ZMYM4: variants seen among roughly 807,000 people sequenced by gnomAD.
ZMYM4 encodes zinc finger MYM-type containing 4.
ZMYM4 carries 31 observed loss-of-function variants against 183.2 expected under a neutral mutation model. The observed-to-expected ratio is 0.17, with a 90% CI of 0.13 to 0.23. The LOEUF (loss-of-function observed/expected upper bound fraction) is 0.23. ZMYM4 is among the 10% of genes least tolerant of loss of function. The probability of loss-of-function intolerance (pLI) is 1.00; values close to 1 mark genes in which losing one functional copy is unlikely to be tolerated. For synonymous variants in ZMYM4, 592 were observed against 631.2 expected (o/e 0.94, Z 0.93); for missense variants, 1,273 against 1,840.3 (o/e 0.69, Z 5.64).
chr1:35,333,446 G>A (rs1352288219), intron 2 of ZMYM4, among the ~76,000 whole-genome samples: 1 of 151,922 alleles, frequency 6.6e-6, no homozygotes, highest in Non-Finnish European at 1.5e-5. Context: ...TAATAGAGAC[G>A]GGGTTTCACC....
In ZMYM4 at chr1:35,269,092, G is replaced by T; in HGVS notation, c.39+7G>T. 1 of 1,549,106 alleles carries T rather than the reference G, an allele frequency of 6.5e-7. No homozygotes were observed. The highest frequency in any genetic ancestry group is 2.4e-5 in the East Asian group (1 of 41,064). ...GTCCGGCCCCCGAAAGAGGGTAGGTGAGGTGAGGCAGAACTCGGGCGGCGG... is the reference window on the plus strand; with the variant it reads ...GTCCGGCCCCCGAAAGAGGGTAGGTTAGGTGAGGCAGAACTCGGGCGGCGG... On this transcript the variant is annotated splice_region_variant and intron_variant, in intron 1 of 29. Coordinates refer to ENST00000314607, the MANE Select transcript of ZMYM4 (RefSeq NM_005095.3).
intron 2 of ZMYM4, among the ~76,000 whole-genome samples, chr1:35,349,479 T>C (rs58789725): frequency 0.021 from 3,202 of 152,266 alleles, 111 homozygotes; most frequent in African/African-American, 0.073. Context: ...TTTTTATTAT[T>C]TAGGAAATTA....
At chr1:35,355,058 CAG>C (rs1430933715) in intron 2 of ZMYM4, among the ~76,000 whole-genome samples, 3 of 151,724 alleles carry the variant, frequency 2.0e-5, no homozygotes, top group East Asian at 1.9e-4. Flanking sequence ...ATTTTTGAGA[CAG>C]AGTCTAACTG....
chr1:35,311,535 G>A (rs1046832801), intron 1 of ZMYM4, among the ~76,000 whole-genome samples: 2 of 151,462 alleles, frequency 1.3e-5, no homozygotes, highest in Admixed American at 6.6e-5. Flanking sequence ...GGCTCATTCT[G>A]TAATCCCAGC....
At chr1:35,302,220 T>G (rs1298043802) in intron 1 of ZMYM4, among the ~76,000 whole-genome samples, 114 of 132,684 alleles carry the variant, frequency 8.6e-4, no homozygotes, top group East Asian at 7.0e-3. Flanking sequence ...TTTTTTTTTT[T>G]TTTTTGTGAC....
intron 1 of ZMYM4, among the ~76,000 whole-genome samples, chr1:35,310,983 T>G (rs947400462): frequency 3.9e-5 from 6 of 152,130 alleles, no homozygotes; most frequent in Admixed American, 3.9e-4. Flanking sequence ...TAGATTCTTA[T>G]AAACACCACC....
intron 26 of ZMYM4, among the ~76,000 whole-genome samples, chr1:35,409,939 CAA>C (rs141418759): frequency 2.3e-4 from 27 of 116,820 alleles, no homozygotes; most frequent in South Asian, 2.8e-4. Flanking sequence ...GACTCTGTCT[CAA>C]AAAAAAAAAA....
At chr1:35,356,644 T>C (rs1218744423) in intron 2 of ZMYM4, among the ~76,000 whole-genome samples, 1 of 152,196 alleles carries the variant, frequency 6.6e-6, no homozygotes, top group African/African-American at 2.4e-5. Context: ...CTGTTTATTT[T>C]TTCTAGCTCT....
Position 35,303,565 on chromosome 1 carries a change from C to T in ZMYM4, c.40-21795C>T, listed in dbSNP as rs764056379. On this transcript the variant is annotated intron_variant, in intron 1 of 29. Transcript: ENST00000314607. ...CGACTATAGGCACGCACCATCACAC[C>T]GATCTAATGTTTGGATTTTTAGTAG... Among the ~76,000 whole-genome samples, 35 of 152,100 alleles carry T rather than the reference C, an allele frequency of 2.3e-4. No individual in the cohort carries two copies. The East Asian group carries it at 6.4e-3, about 28-fold the overall frequency.
chr1:35,339,909 A>ATT (rs1167857749), intron 2 of ZMYM4, among the ~76,000 whole-genome samples: 4 of 152,078 alleles, frequency 2.6e-5, no homozygotes, highest in African/African-American at 7.3e-5. Flanking sequence ...ATCTGTAGGC[A>ATT]TTTCCCCACA....
At chr1:35,349,343 T>C (rs1444232912) in intron 2 of ZMYM4, among the ~76,000 whole-genome samples, 1 of 152,220 alleles carries the variant, frequency 6.6e-6, no homozygotes, top group Non-Finnish European at 1.5e-5. Flanking sequence ...TCTTGGCTGA[T>C]ATTAAATGAT....
In ZMYM4 at chr1:35,393,636, A is replaced by G. The variant is rs775498241; in HGVS notation, c.2808A>G (p.Gln936=). 1 of 1,610,682 alleles carries G rather than the reference A, an allele frequency of 6.2e-7. No homozygotes were observed. Among genetic ancestry groups the G allele is most frequent in the Non-Finnish European group, 8.5e-7 (1 of 1,178,048 alleles). Residue 936 remains glutamine (Q), a synonymous_variant, in exon 18 of 30, where the codon CAA becomes CAG. Coordinates refer to ENST00000314607, the MANE Select transcript of ZMYM4 (RefSeq NM_005095.3). ...QTDALKLPPS[Q]PPRLLKNKAL... ...ATGCCCTGAAACTGCCACCTTCCCA[A>G]CCTCCAAGGCTTTTGAAGAACAAAG...
intron 1 of ZMYM4, among the ~76,000 whole-genome samples, chr1:35,302,156 G>A (rs888482466): frequency 1.1e-4 from 17 of 149,912 alleles, no homozygotes; most frequent in African/African-American, 3.5e-4. Flanking sequence ...AATTCTAGTC[G>A]GTAGCCTATT....
In ZMYM4 at chr1:35,374,019, CTTTTTTTTTTTT is replaced by C. The variant is rs397863926; in HGVS notation, c.1181+3409_1181+3420del. ...ATTCCAGTATGTTCATCATGGGATT[CTTTTTTTTTTTT>C]TTTTTTTTTTTTTTTTGAGACAAGA... On this transcript the variant is annotated intron_variant, in intron 7 of 29. Coordinates refer to ENST00000314607, the MANE Select transcript of ZMYM4 (RefSeq NM_005095.3). Among the ~76,000 whole-genome samples, 53 of 52,790 alleles carry C rather than the reference CTTTTTTTTTTTT, an allele frequency of 1.0e-3. 1 individual carries two copies. The East Asian group carries it at 0.02, about 20-fold the overall frequency. 34.6% of individuals were successfully genotyped at this position (52,790 alleles called of 152,430 possible).
chr1:35,404,826 TTTC>T, intron 23 of ZMYM4, 194 bp from the exon 24 acceptor site: 1 of 478,872 alleles, frequency 2.1e-6, no homozygotes, highest in Non-Finnish European at 3.5e-6. Flanking sequence ...ATTTAAACTT[TTTC>T]TTTCTTCCTT....
chr1:35,337,595 T>C (rs1643027254), intron 2 of ZMYM4, among the ~76,000 whole-genome samples: 1 of 152,196 alleles, frequency 6.6e-6, no homozygotes, highest in Non-Finnish European at 1.5e-5. Context: ...TTTTAGACTT[T>C]GTAGGTCATA....
intron 2 of ZMYM4, among the ~76,000 whole-genome samples, chr1:35,346,683 A>G (rs1454474993): frequency 2.7e-5 from 4 of 150,832 alleles, no homozygotes; most frequent in African/African-American, 7.3e-5. Context: ...AAAAAAAAAG[A>G]GAAAGAAATA....
Position 35,389,781 on chromosome 1 carries a change from A to ATGTGTGTGTGTGTGTGTGTGTGTG in ZMYM4, c.2437-163_2437-140dup, listed in dbSNP as rs139535337. Among the ~76,000 whole-genome samples, 1 of 141,426 alleles carries ATGTGTGTGTGTGTGTGTGTGTGTG rather than the reference A, an allele frequency of 7.1e-6. No individual in the cohort carries two copies. The highest frequency in any genetic ancestry group is 2.7e-5 in the African/African-American group (1 of 37,598). The allele number at this position is 141,426 out of a possible 152,430, so 92.8% of individuals were successfully genotyped here. A position where few individuals can be genotyped will look rare whatever the true frequency, so the allele number is the denominator to read the frequency against. On this transcript the variant is annotated intron_variant, in intron 14 of 29. Coordinates refer to ENST00000314607, the MANE Select transcript of ZMYM4 (RefSeq NM_005095.3). The surrounding 1 kb of genome is among the most constrained non-coding windows in gnomAD (Gnocchi z 4.0). ...AAAAAAAAAAAAAATATATATATAT[A>ATGTGTGTGTGTGTGTGTGTGTGTG]TGTGTGTGTGTGTGTGTGTGTGTGT... is the stretch of plus-strand genomic sequence containing the variant.
chr1:35,291,925 G>T (rs1287856643), intron 1 of ZMYM4, among the ~76,000 whole-genome samples: 1 of 151,918 alleles, frequency 6.6e-6, no homozygotes, highest in Non-Finnish European at 1.5e-5. Flanking sequence ...ATGAGCCACC[G>T]TGCCCAGCCA....
Sources: allele counts gnomAD v4.1 joint callset (sites outside exome capture counted in the v4.1 genomes callset), GRCh38; gene constraint gnomAD v4.1.1; non-coding constraint Gnocchi (gnomAD v3.1); transcripts MANE v1.5; gene names NCBI Gene and HGNC (gene_info 2026-07-23, HGNC 2026-07-21).